ACTR3C: variants seen among roughly 807,000 people sequenced by gnomAD.
ACTR3C encodes actin-related protein 3C.
In ACTR3C, 18 loss-of-function variants were observed where a neutral mutation model predicts 26.3. That is an observed-to-expected ratio of 0.68 (90% CI 0.47 to 1.01). The LOEUF (loss-of-function observed/expected upper bound fraction) is 1.01. Ranked by LOEUF, ACTR3C falls within the 50% of genes least tolerant of loss-of-function variation. ACTR3C has a pLI of 0.00. For missense variants in ACTR3C, 184 were observed against 250.7 expected (o/e 0.73, Z 1.80); for synonymous variants, 55 against 94.5 (o/e 0.58, Z 2.42).
chr7:150,313,777 T>A (rs1436891478), intron 1 of ACTR3C, among the ~76,000 whole-genome samples: 2 of 152,114 alleles, frequency 1.3e-5, no homozygotes, highest in African/African-American at 4.8e-5. Context: ...GTGTTATGGA[T>A]ACACACATAC....
intron 1 of ACTR3C, among the ~76,000 whole-genome samples, chr7:150,314,243 A>G (rs1796600456): frequency 6.6e-6 from 1 of 152,248 alleles, no homozygotes; most frequent in Non-Finnish European, 1.5e-5. Context: ...CCAGTTTTGT[A>G]GAACAGTTGT....
the ACTR3C span, among the ~76,000 whole-genome samples, chr7:149,883,382 C>T: frequency 6.6e-6 from 1 of 151,790 alleles, no homozygotes; most frequent in Admixed American, 6.6e-5. Context: ...AAATATCAGC[C>T]TCTGACACAG....
At chr7:150,033,404 T>C in the ACTR3C span, among the ~76,000 whole-genome samples, 12 of 152,212 alleles carry the variant, frequency 7.9e-5, no homozygotes, top group Non-Finnish European at 1.8e-4. Flanking sequence ...CCTGACATGA[T>C]TCTCCTTCAC....
chr7:150,156,506 C>G, the ACTR3C span, among the ~76,000 whole-genome samples: 1 of 151,368 alleles, frequency 6.6e-6, no homozygotes, highest in African/African-American at 2.4e-5. Flanking sequence ...AACTATCGAG[C>G]ATGTGCCATA....
chr7:150,101,915 C>T, the ACTR3C span, among the ~76,000 whole-genome samples: 1 of 151,600 alleles, frequency 6.6e-6, no homozygotes, highest in Non-Finnish European at 1.5e-5. Flanking sequence ...CAAAGAGTAG[C>T]CAATTCTATA....
At chr7:150,106,410 T>C in the ACTR3C span, among the ~76,000 whole-genome samples, 4 of 151,394 alleles carry the variant, frequency 2.6e-5, no homozygotes, top group African/African-American at 9.7e-5. Flanking sequence ...TGCTGTTACA[T>C]GGTATGGTTT....
chr7:150,276,028 T>C (rs1302713928), intron 6 of ACTR3C, among the ~76,000 whole-genome samples: 1 of 152,112 alleles, frequency 6.6e-6, no homozygotes, highest in Non-Finnish European at 1.5e-5. Flanking sequence ...TGATGCCAAA[T>C]AAAAATCTCC....
At chr7:150,138,304 A>C in the ACTR3C span, among the ~76,000 whole-genome samples, 2 of 152,180 alleles carry the variant, frequency 1.3e-5, no homozygotes, top group Non-Finnish European at 2.9e-5. Context: ...CTTTGCAGAG[A>C]AGGCAAGGAA....
the ACTR3C span, among the ~76,000 whole-genome samples, chr7:149,913,167 G>T: frequency 2.0e-5 from 3 of 152,016 alleles, no homozygotes; most frequent in Non-Finnish European, 2.9e-5. Flanking sequence ...CCCAGGAGGA[G>T]AACTCAATGC....
the ACTR3C span, among the ~76,000 whole-genome samples, chr7:150,079,505 C>T: frequency 2.6e-5 from 4 of 152,118 alleles, no homozygotes; most frequent in Admixed American, 2.0e-4. Flanking sequence ...GCATTGGCAC[C>T]GCTGATGACG....
the ACTR3C span, among the ~76,000 whole-genome samples, chr7:150,193,670 A>G: frequency 6.6e-6 from 1 of 151,858 alleles, no homozygotes; most frequent in East Asian, 1.9e-4. Flanking sequence ...TTTCTTTTTG[A>G]CATGCAGGTT....
chr7:150,204,675 A>C, the ACTR3C span, among the ~76,000 whole-genome samples: 1 of 152,198 alleles, frequency 6.6e-6, no homozygotes, highest in Non-Finnish European at 1.5e-5. Flanking sequence ...AGAAATTAAG[A>C]CTGGTGAGTG....
In ACTR3C at chr7:150,271,186, T is replaced by G. The variant is rs370215074; in HGVS notation, c.564+13567A>C. Among the ~76,000 whole-genome samples the G allele has an allele frequency of 1.1e-4, 15 of 137,186 alleles. No homozygotes were observed. In the East Asian group the frequency reaches 2.9e-3, roughly 26 times the overall value. 90.0% of individuals were successfully genotyped at this position (137,186 alleles called of 152,430 possible). On this transcript the variant is annotated intron_variant, in intron 6 of 7. Coordinates refer to ENST00000683684, the MANE Select transcript of ACTR3C (RefSeq NM_001164458.2). ...CAGTGGGAAATGGAGGAAGCATTAC[T>G]ACTTTTTAAATTATTATTATACTTT...
At chr7:150,046,162 C>A in the ACTR3C span, among the ~76,000 whole-genome samples, 1 of 152,162 alleles carries the variant, frequency 6.6e-6, no homozygotes, top group Non-Finnish European at 1.5e-5. Flanking sequence ...TGACGCAGGG[C>A]TGTAGGGGGT....
chr7:149,937,608 C>T, the ACTR3C span, among the ~76,000 whole-genome samples: 7 of 152,000 alleles, frequency 4.6e-5, no homozygotes, highest in Admixed American at 4.6e-4. Context: ...AAAGACAGAC[C>T]GTGGGTGGGA....
At chr7:150,127,670 T>G in the ACTR3C span, among the ~76,000 whole-genome samples, 1 of 151,880 alleles carries the variant, frequency 6.6e-6, no homozygotes, top group Non-Finnish European at 1.5e-5. Context: ...TATTGTACTG[T>G]TTTTTTTCTT....
chr7:150,194,344 A>T, the ACTR3C span, among the ~76,000 whole-genome samples: 1 of 147,972 alleles, frequency 6.8e-6, no homozygotes, highest in Non-Finnish European at 1.5e-5. Flanking sequence ...AAATTATCAG[A>T]GGCAAAAGTC....
the ACTR3C span, among the ~76,000 whole-genome samples, chr7:150,145,393 A>C: frequency 6.6e-6 from 1 of 152,116 alleles, no homozygotes; most frequent in African/African-American, 2.4e-5. Context: ...AGAGCTTGTC[A>C]CTGGAGGTGG....
chr7:149,999,695 C>T, the ACTR3C span, among the ~76,000 whole-genome samples: 10 of 150,612 alleles, frequency 6.6e-5, no homozygotes, highest in Admixed American at 1.3e-4. Flanking sequence ...GGCCAGCAAG[C>T]GGAGGCTGGG....
Sources: gnomAD v4.1 joint callset for allele counts (sites outside exome capture counted in the v4.1 genomes callset) on GRCh38, gnomAD v4.1.1 for gene constraint, MANE v1.5 for transcripts, NCBI Gene and HGNC (gene_info 2026-07-23, HGNC 2026-07-21) for gene names.